The following SDK1 variants were observed in gnomAD, a reference collection of about 807,000 sequenced individuals.
SDK1 encodes the protein sidekick cell adhesion molecule 1, also known as protein sidekick-1.
Under a neutral mutation model 245.5 loss-of-function variants are expected in SDK1, and 157 were observed. The observed-to-expected ratio is 0.64, with a 90% confidence interval of 0.56 to 0.73. SDK1 has a LOEUF of 0.73. SDK1 is among the 30% of genes least tolerant of loss of function. SDK1 has a pLI of 0.00. For missense variants in SDK1, 3,583 were observed against 3,002.3 expected (o/e 1.19, Z -4.52); for synonymous variants, 1,647 against 1,278.5 (o/e 1.29, Z -6.15).
chr7:3,485,265 T>G (rs1313967150), intron 1 of SDK1, among the ~76,000 whole-genome samples: 1 of 152,204 alleles, frequency 6.6e-6, no homozygotes. Flanking sequence ...ATATTGAGCA[T>G]TTTTTCCCTA....
At chr7:4,036,623 A>C (rs1189937095) in intron 17 of SDK1, among the ~76,000 whole-genome samples, 1 of 152,144 alleles carries the variant, frequency 6.6e-6, no homozygotes, top group Non-Finnish European at 1.5e-5. Flanking sequence ...TGTGTGTGAA[A>C]ATTGTAACCC....
At chr7:3,579,954 C>G (rs1403030755) in intron 1 of SDK1, among the ~76,000 whole-genome samples, 3 of 152,144 alleles carry the variant, frequency 2.0e-5, no homozygotes, top group African/African-American at 7.2e-5. Flanking sequence ...TTTCAGGATA[C>G]AAAATCGGTG....
intron 4 of SDK1, among the ~76,000 whole-genome samples, chr7:3,744,673 G>C (rs781752349): frequency 2.0e-5 from 3 of 151,890 alleles, no homozygotes; most frequent in Non-Finnish European, 4.4e-5. Context: ...TTAGCCAGGC[G>C]TGGTGGCGGG....
intron 4 of SDK1, among the ~76,000 whole-genome samples, chr7:3,755,894 T>C (rs1304457352): frequency 6.6e-6 from 1 of 152,112 alleles, no homozygotes; most frequent in Non-Finnish European, 1.5e-5. Flanking sequence ...TTGTTGCATG[T>C]TTTGAATCTG....
At chr7:4,247,851 C>T (rs952364251) in intron 44 of SDK1, among the ~76,000 whole-genome samples, 1 of 152,152 alleles carries the variant, frequency 6.6e-6, no homozygotes, top group Non-Finnish European at 1.5e-5. Flanking sequence ...AGCCAGACCC[C>T]CGTGTCTCCA....
At chr7:3,871,155 T>G (rs1476311255) in intron 5 of SDK1, among the ~76,000 whole-genome samples, 1 of 152,040 alleles carries the variant, frequency 6.6e-6, no homozygotes, top group Middle Eastern at 3.4e-3. Context: ...CTTGACTTTT[T>G]TTTTTTTTGG....
At chr7:3,999,202 C>T (rs1413102218) in intron 14 of SDK1, among the ~76,000 whole-genome samples, 3 of 152,084 alleles carry the variant, frequency 2.0e-5, no homozygotes, top group South Asian at 2.1e-4. Flanking sequence ...AATGAGCCAT[C>T]GACCTTCTTT....
At chr7:3,910,393 G>A (rs1779122834) in intron 5 of SDK1, among the ~76,000 whole-genome samples, 1 of 152,202 alleles carries the variant, frequency 6.6e-6, no homozygotes, top group African/African-American at 2.4e-5. Flanking sequence ...CATGTGTAGG[G>A]AAAATAGCTG....
chr7:3,374,862 T>A (rs189122949), intron 1 of SDK1, among the ~76,000 whole-genome samples: 2 of 152,226 alleles, frequency 1.3e-5, no homozygotes, highest in Non-Finnish European at 2.9e-5. Flanking sequence ...ATGCTTTTTT[T>A]CCCACAGCAC....
At chr7:3,885,601 G>T (rs1290323602) in intron 5 of SDK1, among the ~76,000 whole-genome samples, 2 of 152,184 alleles carry the variant, frequency 1.3e-5, no homozygotes, top group African/African-American at 4.8e-5. Flanking sequence ...TCTTGATGGT[G>T]TGGGAGAATT....
intron 1 of SDK1, among the ~76,000 whole-genome samples, chr7:3,563,673 A>C (rs1336811360): frequency 2.0e-5 from 3 of 152,230 alleles, no homozygotes; most frequent in Admixed American, 6.5e-5. Flanking sequence ...AGAGGTGGAG[A>C]AAACTTGAAA....
chr7:4,235,599 A>G (rs1170439937), intron 41 of SDK1, among the ~76,000 whole-genome samples: 3 of 152,246 alleles, frequency 2.0e-5, no homozygotes, highest in African/African-American at 4.8e-5. Context: ...ATCCTAATTC[A>G]GAGATCCAAG....
At chr7:3,542,648 A>G (rs1779088287) in intron 1 of SDK1, among the ~76,000 whole-genome samples, 1 of 152,242 alleles carries the variant, frequency 6.6e-6, no homozygotes, top group African/African-American at 2.4e-5. Context: ...TGTTAAAAAT[A>G]TTTTAATATC....
At chr7:3,825,086 A>G (rs1172555238) in intron 5 of SDK1, among the ~76,000 whole-genome samples, 1 of 152,070 alleles carries the variant, frequency 6.6e-6, no homozygotes, top group Non-Finnish European at 1.5e-5. Flanking sequence ...GGACTGTTGA[A>G]GCATCCTGCA....
chr7:3,652,488 G>A (rs187886676), intron 4 of SDK1, among the ~76,000 whole-genome samples: 21 of 152,312 alleles, frequency 1.4e-4, no homozygotes, highest in South Asian at 1.0e-3. Flanking sequence ...CAGAATATGC[G>A]CACGGATGCA....
chr7:3,900,952 A>G (rs1781769229), intron 5 of SDK1, among the ~76,000 whole-genome samples: 1 of 152,198 alleles, frequency 6.6e-6, no homozygotes. Context: ...TTGTAGCAAA[A>G]AAAAAGACCT....
At chr7:4,001,644 C>T (rs1029203884) in intron 14 of SDK1, among the ~76,000 whole-genome samples, 2 of 152,188 alleles carry the variant, frequency 1.3e-5, no homozygotes, top group South Asian at 4.1e-4. Context: ...AGCTTGTAGA[C>T]CTTTATGGTT....
At chr7:3,375,335 G>C (rs1385913041) in intron 1 of SDK1, among the ~76,000 whole-genome samples, 1 of 152,190 alleles carries the variant, frequency 6.6e-6, no homozygotes, top group Non-Finnish European at 1.5e-5. Flanking sequence ...ATAAAGTCTA[G>C]AAGTAAGCCC....
chr7:3,516,769 GTAT>G (rs1417773333), intron 1 of SDK1, among the ~76,000 whole-genome samples: 1 of 152,150 alleles, frequency 6.6e-6, no homozygotes, highest in African/African-American at 2.4e-5. Context: ...AAGATACTGA[GTAT>G]TAGACATTTT....
Sources: allele counts gnomAD v4.1 joint callset (sites outside exome capture counted in the v4.1 genomes callset), GRCh38; gene constraint gnomAD v4.1.1; transcripts MANE v1.5; gene names NCBI Gene and HGNC (gene_info 2026-07-23, HGNC 2026-07-21).